The following CNTLN variants were observed in gnomAD, a reference collection of about 807,000 sequenced individuals.
CNTLN encodes the protein centlein, also known as centlein, centrosomal protein.
CNTLN carries 212 observed loss-of-function variants against 180.0 expected under a neutral mutation model. The ratio of observed to expected loss-of-function variants is 1.18; its 90% CI spans 1.05 to 1.32. The LOEUF is 1.32. Among genes scored for constraint, CNTLN ranks in the 40% most tolerant of loss-of-function variants. The pLI is 0.00. For missense variants in CNTLN, 2,095 were observed against 1,610.9 expected, an observed-to-expected ratio of 1.30 and a Z score of -5.14; for synonymous variants, 722 against 563.1, an observed-to-expected ratio of 1.28 and a Z score of -3.99.
intron 2 of CNTLN, among the ~76,000 whole-genome samples, chr9:17,209,060 G>A (rs961613676): frequency 6.6e-6 from 1 of 151,848 alleles, no homozygotes; most frequent in Non-Finnish European, 1.5e-5. Flanking sequence ...CTACTTTTTT[G>A]ATGTAGGCGC....
At chr9:17,309,992 T>C (rs1819011522) in intron 8 of CNTLN, among the ~76,000 whole-genome samples, 1 of 152,138 alleles carries the variant, frequency 6.6e-6, no homozygotes, top group South Asian at 2.1e-4. Flanking sequence ...GACAACAATT[T>C]TTAAAATTGT....
At chr9:17,507,025 G>C (rs994274544), downstream of CNTLN, among the ~76,000 whole-genome samples, 2 of 152,050 alleles carry the variant, frequency 1.3e-5, no homozygotes, top group Non-Finnish European at 2.9e-5. Flanking sequence ...CAGTGGGTAC[G>C]TGTGTAGGTT....
At chr9:17,265,286 C>T (rs1385047216) in intron 5 of CNTLN, among the ~76,000 whole-genome samples, 4 of 152,062 alleles carry the variant, frequency 2.6e-5, no homozygotes, top group Non-Finnish European at 5.9e-5. Context: ...TTTTCTGCAT[C>T]TTTTGAGATA....
chr9:17,153,557 G>A (rs1819047677), intron 2 of CNTLN, among the ~76,000 whole-genome samples: 1 of 152,166 alleles, frequency 6.6e-6, no homozygotes, highest in African/African-American at 2.4e-5. Flanking sequence ...CCCTTTGCGG[G>A]TAACCCAATC....
At chr9:17,279,974 G>A (rs1828566260) in intron 6 of CNTLN, among the ~76,000 whole-genome samples, 2 of 152,262 alleles carry the variant, frequency 1.3e-5, no homozygotes, top group South Asian at 4.2e-4. Context: ...TCTTTGCCAT[G>A]TGATGTCTGG....
At chr9:17,349,670 AG>A (rs1242470052) in intron 12 of CNTLN, among the ~76,000 whole-genome samples, 1 of 152,130 alleles carries the variant, frequency 6.6e-6, no homozygotes, top group Non-Finnish European at 1.5e-5. Flanking sequence ...CATGGAATAT[AG>A]TTCCTATAAT....
At chr9:17,498,677 C>T (rs1451791850) in intron 25 of CNTLN, among the ~76,000 whole-genome samples, 1 of 152,196 alleles carries the variant, frequency 6.6e-6, no homozygotes, top group Non-Finnish European at 1.5e-5. Context: ...TAACTCTGTG[C>T]TGATATGCCC....
intron 6 of CNTLN, among the ~76,000 whole-genome samples, chr9:17,276,164 AGAG>A (rs1217798814): frequency 6.6e-6 from 1 of 152,152 alleles, no homozygotes; most frequent in Non-Finnish European, 1.5e-5. Context: ...AAGGACTCAC[AGAG>A]GAGAAGAATA....
intron 12 of CNTLN, 47 bp from the exon 13 acceptor site, chr9:17,366,569 TA>T (rs747894468): frequency 6.1e-5 from 55 of 902,628 alleles, no homozygotes; most frequent in South Asian, 2.0e-4. Context: ...TTGATTTTTT[TA>T]AATAAAACAA....
chr9:17,435,552 A>G (rs1170240588), intron 18 of CNTLN, among the ~76,000 whole-genome samples: 10 of 139,582 alleles, frequency 7.2e-5, no homozygotes, highest in Non-Finnish European at 9.6e-5. Context: ...GTACTCAAAG[A>G]GTGGCTCTTT....
intron 5 of CNTLN, among the ~76,000 whole-genome samples, chr9:17,243,818 A>T (rs1825636835): frequency 6.6e-6 from 1 of 152,198 alleles, no homozygotes; most frequent in Non-Finnish European, 1.5e-5. Context: ...AATATCTATT[A>T]GGTACATTTG....
chr9:17,435,858 C>T (rs903024653), intron 18 of CNTLN, among the ~76,000 whole-genome samples: 2 of 152,116 alleles, frequency 1.3e-5, no homozygotes, highest in African/African-American at 4.8e-5. Flanking sequence ...CCATCGTGCC[C>T]GGCCAGGGTA....
the CNTLN span, among the ~76,000 whole-genome samples, chr9:17,511,631 ATCTC>A: frequency 2.1e-5 from 3 of 143,404 alleles, no homozygotes; most frequent in African/African-American, 5.2e-5. Flanking sequence ...AACTTGCTTT[ATCTC>A]TCTCTCTCTC....
At chr9:17,484,202 T>G in intron 23 of CNTLN, 93 bp from the exon 24 acceptor site, 2 of 989,372 alleles carry the variant, frequency 2.0e-6, no homozygotes, top group Non-Finnish European at 3.0e-6. Context: ...AGTAAAAAAA[T>G]GATTTGTTAG....
intron 15 of CNTLN, among the ~76,000 whole-genome samples, chr9:17,406,447 T>C (rs560426263): frequency 6.6e-6 from 1 of 151,738 alleles, no homozygotes; most frequent in Admixed American, 6.6e-5. Flanking sequence ...TAGTTTGATG[T>C]CTTCTGCCTG....
chr9:17,373,022 A>T (rs1824457594), intron 13 of CNTLN, among the ~76,000 whole-genome samples: 1 of 152,186 alleles, frequency 6.6e-6, no homozygotes, highest in African/African-American at 2.4e-5. Flanking sequence ...ATTGCTGGTT[A>T]TCATATTGAA....
intron 14 of CNTLN, among the ~76,000 whole-genome samples, chr9:17,391,251 T>C (rs1472731544): frequency 3.9e-5 from 6 of 152,090 alleles, no homozygotes; most frequent in Non-Finnish European, 7.4e-5. Flanking sequence ...CCTCCCTGGG[T>C]ATAGGACAGG....
At chr9:17,497,429 A>G (rs1391500348) in intron 25 of CNTLN, among the ~76,000 whole-genome samples, 1 of 152,208 alleles carries the variant, frequency 6.6e-6, no homozygotes, top group Non-Finnish European at 1.5e-5. Flanking sequence ...ATAGCCCTAA[A>G]GAACTTGCTG....
chr9:17,500,679 T>G (rs776603603), intron 25 of CNTLN, among the ~76,000 whole-genome samples: 2 of 152,226 alleles, frequency 1.3e-5, no homozygotes, highest in Non-Finnish European at 2.9e-5. Flanking sequence ...ATGTATTTGA[T>G]TAGAGAACAA....
Sources: allele counts gnomAD v4.1 joint callset (sites outside exome capture counted in the v4.1 genomes callset), GRCh38; gene constraint gnomAD v4.1.1; transcripts MANE v1.5; gene names NCBI Gene and HGNC (gene_info 2026-07-23, HGNC 2026-07-21).